SORCS3: variants seen among roughly 807,000 people sequenced by gnomAD.
SORCS3 encodes sortilin related VPS10 domain containing receptor 3.
In SORCS3, 57 loss-of-function variants were observed where a neutral mutation model predicts 146.3. That is an observed-to-expected ratio of 0.39 (90% CI 0.31 to 0.49). SORCS3 has a LOEUF of 0.49. Ranked by LOEUF, SORCS3 falls within the 20% of genes least tolerant of loss-of-function variation. The probability of loss-of-function intolerance (pLI) is 0.92; values close to 1 mark genes in which losing one functional copy is unlikely to be tolerated. For synonymous variants in SORCS3, 653 were observed against 618.5 expected, an observed-to-expected ratio of 1.06 and a Z score of -0.83; for missense variants, 1,341 against 1,575.5, an observed-to-expected ratio of 0.85 and a Z score of 2.52.
intron 23 of SORCS3, among the ~76,000 whole-genome samples, chr10:105,253,407 T>A (rs1299562700): frequency 6.6e-6 from 1 of 152,212 alleles, no homozygotes; most frequent in Non-Finnish European, 1.5e-5. Flanking sequence ...CTCTCTTTGC[T>A]TTAACTAAGG....
At chr10:104,762,341 G>A (rs1444485286) in intron 1 of SORCS3, among the ~76,000 whole-genome samples, 3 of 152,136 alleles carry the variant, frequency 2.0e-5, no homozygotes, top group African/African-American at 7.2e-5. Context: ...TTCTGCCATG[G>A]GTTATTTCAA....
chr10:104,951,351 G>A (rs1481114012), intron 3 of SORCS3, among the ~76,000 whole-genome samples: 1 of 151,712 alleles, frequency 6.6e-6, no homozygotes, highest in Non-Finnish European at 1.5e-5. Flanking sequence ...TTTTTTCTTA[G>A]GGTCAGTGTC....
chr10:105,079,390 A>C (rs2133732740), intron 5 of SORCS3, among the ~76,000 whole-genome samples: 1 of 152,320 alleles, frequency 6.6e-6, no homozygotes, highest in African/African-American at 2.4e-5. Context: ...ATAAGCAGGG[A>C]ATATGTAGAG....
At chr10:104,812,493 A>G (rs763526106) in intron 1 of SORCS3, among the ~76,000 whole-genome samples, 1 of 152,218 alleles carries the variant, frequency 6.6e-6, no homozygotes, top group Non-Finnish European at 1.5e-5. Flanking sequence ...TGCCTTTTCT[A>G]CCTCTACTTC....
chr10:104,656,857 G>A (rs2015638007), intron 1 of SORCS3, among the ~76,000 whole-genome samples: 1 of 152,182 alleles, frequency 6.6e-6, no homozygotes. Context: ...GTGGTAGTGG[G>A]GGTAGATAAG....
At chr10:104,972,212 G>A (rs10884071) in intron 3 of SORCS3, among the ~76,000 whole-genome samples, 55,298 of 152,114 alleles carry the variant, frequency 0.36, 15,253 homozygotes, top group African/African-American at 0.78. Context: ...ATTATGCCCT[G>A]TGCTCAAAGC....
In SORCS3 at chr10:104,947,259, T is replaced by C. The variant is rs541792695; in HGVS notation, c.796-30076T>C. ...ACGTTCACATTTTTTAAAAAAAGCT[T>C]CTATGGCAGTGAAAGCAGGGTCCAT... On this transcript the variant is annotated intron_variant, in intron 3 of 26. Coordinates refer to ENST00000369701, the MANE Select transcript of SORCS3 (RefSeq NM_014978.3). 3.4e-4 allele frequency among the ~76,000 whole-genome samples: 51 copies of C among 152,196 alleles called. No individual in the cohort carries two copies. The East Asian group carries it at 9.1e-3, about 27-fold the overall frequency.
chr10:105,046,991 G>T (rs1330629622), intron 5 of SORCS3, among the ~76,000 whole-genome samples: 1 of 151,924 alleles, frequency 6.6e-6, no homozygotes, highest in Admixed American at 6.6e-5. Context: ...CCTAGGCTCT[G>T]CTATGGCAGA....
intron 1 of SORCS3, among the ~76,000 whole-genome samples, chr10:104,681,916 C>T (rs1170797530): frequency 6.6e-6 from 1 of 152,102 alleles, no homozygotes. Flanking sequence ...ACATATTTCT[C>T]TTTTTTTTCC....
intron 1 of SORCS3, among the ~76,000 whole-genome samples, chr10:104,790,412 C>A (rs1037397273): frequency 2.0e-5 from 3 of 152,022 alleles, no homozygotes; most frequent in African/African-American, 7.2e-5. Flanking sequence ...CAGATGGTGG[C>A]AGAAAACCTT....
intron 3 of SORCS3, among the ~76,000 whole-genome samples, chr10:104,965,746 C>T (rs2054822781): frequency 6.6e-6 from 1 of 152,036 alleles, no homozygotes; most frequent in Non-Finnish European, 1.5e-5. Flanking sequence ...CTATTCAAGT[C>T]CTTTGCCCAT....
At chr10:105,214,344 G>C (rs941089537) in intron 17 of SORCS3, 98 bp from the exon 18 acceptor site, 1 of 1,360,256 alleles carries the variant, frequency 7.4e-7, no homozygotes, top group East Asian at 2.4e-5. Flanking sequence ...TTTTGCTCTT[G>C]CTCTCTTACA....
chr10:104,871,046 T>C (rs2018514026), intron 2 of SORCS3, among the ~76,000 whole-genome samples: 1 of 152,172 alleles, frequency 6.6e-6, no homozygotes, highest in Non-Finnish European at 1.5e-5. Context: ...TGACCCTCTG[T>C]GCTTCAGGAT....
chr10:105,105,167 AC>A (rs2055812248), intron 6 of SORCS3, among the ~76,000 whole-genome samples: 1 of 152,152 alleles, frequency 6.6e-6, no homozygotes, highest in Admixed American at 6.5e-5. Context: ...ATACCAAATT[AC>A]TCTTTCAGCA....
chr10:105,157,804 C>A (rs1406397046), intron 10 of SORCS3, among the ~76,000 whole-genome samples: 1 of 152,154 alleles, frequency 6.6e-6, no homozygotes, highest in African/African-American at 2.4e-5. Context: ...GTATCTCTGG[C>A]TCCAGGTGCT....
chr10:105,258,753 T>TA (rs1373439379), intron 25 of SORCS3, among the ~76,000 whole-genome samples: 3 of 152,216 alleles, frequency 2.0e-5, no homozygotes, highest in African/African-American at 4.8e-5. Flanking sequence ...ATGACATCTC[T>TA]AAAAAATTCT....
At chr10:104,982,091 C>T (rs2054934588) in intron 4 of SORCS3, among the ~76,000 whole-genome samples, 1 of 152,104 alleles carries the variant, frequency 6.6e-6, no homozygotes, top group Admixed American at 6.6e-5. Flanking sequence ...TGTTGATCAC[C>T]TCCTATCCGA....
chr10:105,080,370 T>A (rs1230011261), intron 5 of SORCS3, among the ~76,000 whole-genome samples: 1 of 152,236 alleles, frequency 6.6e-6, no homozygotes, highest in Non-Finnish European at 1.5e-5. Context: ...TTGAAAAGTA[T>A]CTGTTCATGT....
At chr10:105,233,765 T>A (rs956921680) in intron 20 of SORCS3, among the ~76,000 whole-genome samples, 1 of 152,228 alleles carries the variant, frequency 6.6e-6, no homozygotes, top group Admixed American at 6.5e-5. Flanking sequence ...CTGCATAGTA[T>A]TCCATGGTGT....
Sources: gnomAD v4.1 joint callset for allele counts (sites outside exome capture counted in the v4.1 genomes callset) on GRCh38, gnomAD v4.1.1 for gene constraint, MANE v1.5 for transcripts, NCBI Gene and HGNC (gene_info 2026-07-23, HGNC 2026-07-21) for gene names.